CEP170: variants seen among roughly 807,000 people sequenced by gnomAD.
The protein encoded by CEP170 is centrosomal protein 170, also known as centrosomal protein of 170 kDa.
Under a neutral mutation model 151.9 loss-of-function variants are expected in CEP170, and 21 were observed. That is an observed-to-expected ratio of 0.14 (90% CI 0.10 to 0.20). The LOEUF (loss-of-function observed/expected upper bound fraction) is 0.20. Among genes scored for constraint, CEP170 ranks in the 10% least tolerant of loss-of-function variants. CEP170 has a pLI of 1.00. For missense variants in CEP170, 964 were observed against 1,892.9 expected (o/e 0.51, Z 9.11); for synonymous variants, 356 against 648.8 (o/e 0.55, Z 6.86).
intron 4 of CEP170, among the ~76,000 whole-genome samples, chr1:243,204,460 C>A (rs1412158401): frequency 6.6e-6 from 1 of 152,126 alleles, no homozygotes; most frequent in Non-Finnish European, 1.5e-5. Context: ...ACATAAATCA[C>A]AATTTTAAAA....
intron 14 of CEP170, among the ~76,000 whole-genome samples, chr1:243,145,897 G>T (rs2056427809): frequency 6.6e-6 from 1 of 152,126 alleles, no homozygotes; most frequent in Admixed American, 6.5e-5. Flanking sequence ...AGACATTTAA[G>T]GGTCATTCCA....
intron 14 of CEP170, among the ~76,000 whole-genome samples, chr1:243,143,960 A>T (rs1277164269): frequency 1.3e-5 from 2 of 152,224 alleles, no homozygotes; most frequent in African/African-American, 4.8e-5. Flanking sequence ...AACTAAGTTG[A>T]AGTTTATGGA....
intron 8 of CEP170, among the ~76,000 whole-genome samples, chr1:243,187,750 T>A (rs1466651718): frequency 6.6e-6 from 1 of 152,086 alleles, no homozygotes; most frequent in Non-Finnish European, 1.5e-5. Context: ...TCCCAATGAT[T>A]TAACACAGAA....
At chr1:243,147,069 G>A (rs1484558783) in intron 14 of CEP170, among the ~76,000 whole-genome samples, 2 of 152,042 alleles carry the variant, frequency 1.3e-5, no homozygotes, top group South Asian at 4.1e-4. Flanking sequence ...TACATACTTG[G>A]AAATGCTATC....
chr1:243,230,137 G>C (rs1442889448), intron 1 of CEP170, among the ~76,000 whole-genome samples: 1 of 151,852 alleles, frequency 6.6e-6, no homozygotes, highest in East Asian at 1.9e-4. Flanking sequence ...GATTCCTTGA[G>C]CCCAGGAATT....
intron 14 of CEP170, among the ~76,000 whole-genome samples, chr1:243,147,828 TG>T (rs2056671999): frequency 6.6e-6 from 1 of 152,178 alleles, no homozygotes; most frequent in East Asian, 1.9e-4. Flanking sequence ...ATTTTCAATT[TG>T]GAATCTTAAG....
intron 10 of CEP170, among the ~76,000 whole-genome samples, chr1:243,177,215 G>A (rs551597026): frequency 6.6e-6 from 1 of 152,346 alleles, no homozygotes; most frequent in South Asian, 2.1e-4. Flanking sequence ...TGTGAAAGAA[G>A]AGAAGCGCCG....
intron 4 of CEP170, among the ~76,000 whole-genome samples, chr1:243,210,642 G>C (rs1032499805): frequency 1.3e-4 from 14 of 109,506 alleles, no homozygotes; most frequent in Admixed American, 1.0e-3. Flanking sequence ...TTGAGATGGA[G>C]TCTCTCTCTG....
intron 3 of CEP170, 37 bp downstream of exon 3, chr1:243,221,687 A>G (rs1037627249): frequency 6.5e-7 from 1 of 1,542,880 alleles, no homozygotes. Flanking sequence ...TATTAAACAA[A>G]TGTTCAAACA....
rs760787934 is a variant in CEP170 at position 243,221,831 on chromosome 1, A to G, written c.106-18T>C. On this transcript the variant is annotated intron_variant, in intron 2 of 19. Transcript: ENST00000366542. Reference sequence around the variant, plus strand: ...CTACGAGACTGAAAGGAATGTTGTCAGTTAATAAATATAAGAAAATACTAG... The same window carrying G: ...CTACGAGACTGAAAGGAATGTTGTCGGTTAATAAATATAAGAAAATACTAG... 7 of 1,592,788 alleles carry G rather than the reference A, an allele frequency of 4.4e-6. 1 individual carries two copies. In the South Asian group the frequency reaches 8.1e-5, roughly 18 times the overall value.
chr1:243,206,123 T>C (rs2061402703), intron 4 of CEP170, among the ~76,000 whole-genome samples: 2 of 152,190 alleles, frequency 1.3e-5, no homozygotes, highest in Admixed American at 1.3e-4. Context: ...TCGAATTCTA[T>C]CCCCAGCAAC....
At chr1:243,179,392 A>T (rs1230695724) in intron 10 of CEP170, among the ~76,000 whole-genome samples, 1 of 152,154 alleles carries the variant, frequency 6.6e-6, no homozygotes, top group Non-Finnish European at 1.5e-5. Flanking sequence ...CTAGGAACTC[A>T]AAGGTAAGTC....
chr1:243,224,641 G>C (rs1283409301), intron 2 of CEP170, among the ~76,000 whole-genome samples: 1 of 152,160 alleles, frequency 6.6e-6, no homozygotes, highest in African/African-American at 2.4e-5. Context: ...TCCTGAGGCT[G>C]TGCACTCTTG....
Position 243,126,191 on chromosome 1 carries a change from T to G in CEP170, c.*258A>C, listed in dbSNP as rs1199232332. The G allele has an allele frequency of 1.2e-5, 7 of 563,218 alleles. No homozygotes were observed. Among genetic ancestry groups the G allele is most frequent in the African/African-American group, 1.1e-4 (6 of 53,696 alleles). The allele number at this position is 563,218 out of a possible 1,614,324, so 34.9% of individuals were successfully genotyped here. A position where few individuals can be genotyped will look rare whatever the true frequency, so the allele number is the denominator to read the frequency against. ...AAAGGGTGTAATCATTAAATTCAAT[T>G]TGAAAATCATAAAACCACAAAAGGC... On this transcript the variant is annotated 3_prime_UTR_variant, in exon 20 of 20. Coordinates refer to ENST00000366542, the MANE Select transcript of CEP170 (RefSeq NM_014812.3).
intron 17 of CEP170, among the ~76,000 whole-genome samples, chr1:243,132,534 A>G (rs1352077424): frequency 6.6e-6 from 1 of 152,208 alleles, no homozygotes; most frequent in Non-Finnish European, 1.5e-5. Flanking sequence ...AAGGCAATTC[A>G]AATACATTAA....
In CEP170 at chr1:243,251,126, T is replaced by C. The variant is rs182309378; in HGVS notation, c.-42+3914A>G. ...TTGCAACCAGTGGGAAGAAGTTATA[T>C]AGTAAAAGCAGCTACTAGCTCAATT... On this transcript the variant is annotated intron_variant, in intron 1 of 19. Transcript: ENST00000366542. 8.5e-4 allele frequency among the ~76,000 whole-genome samples: 129 copies of C among 152,334 alleles called. 1 individual carries two copies. The highest frequency in any genetic ancestry group is 1.5e-3 in the Non-Finnish European group (101 of 68,028).
At chr1:243,238,246 T>G (rs372854639) in intron 1 of CEP170, among the ~76,000 whole-genome samples, 7 of 152,054 alleles carry the variant, frequency 4.6e-5, no homozygotes, top group African/African-American at 1.7e-4. Flanking sequence ...GCCGAGGAAT[T>G]CAGGACCAAC....
chr1:243,195,047 T>C (rs180695182), intron 7 of CEP170, among the ~76,000 whole-genome samples: 81 of 151,974 alleles, frequency 5.3e-4, no homozygotes, highest in African/African-American at 1.6e-3. Context: ...CAATGAAATA[T>C]TAAACTTATT....
At chr1:243,251,258 T>C (rs1015423317) in intron 1 of CEP170, among the ~76,000 whole-genome samples, 2 of 152,148 alleles carry the variant, frequency 1.3e-5, no homozygotes, top group African/African-American at 2.4e-5. Flanking sequence ...GAGATATTAG[T>C]AGTGGGTGAT....
Sources: allele counts gnomAD v4.1 joint callset (sites outside exome capture counted in the v4.1 genomes callset), GRCh38; gene constraint gnomAD v4.1.1; transcripts MANE v1.5; gene names NCBI Gene and HGNC (gene_info 2026-07-23, HGNC 2026-07-21).